Variants in ZNF804A observed in about 807,000 individuals in gnomAD.
ZNF804A encodes the protein zinc finger protein 804A.
ZNF804A carries 2 observed loss-of-function variants against 16.5 expected under a neutral mutation model. The observed-to-expected ratio is 0.12, with a 90% CI of 0.05 to 0.38. The LOEUF (loss-of-function observed/expected upper bound fraction) is 0.38. ZNF804A is among the 10% of genes least tolerant of loss of function. The pLI is 0.99. For missense variants in ZNF804A, 1,473 were observed against 1,390.7 expected (o/e 1.06, Z -0.94); for synonymous variants, 534 against 489.6 (o/e 1.09, Z -1.20).
intron 1 of ZNF804A, among the ~76,000 whole-genome samples, chr2:184,663,541 C>A (rs923650436): frequency 6.6e-6 from 1 of 152,120 alleles, no homozygotes; most frequent in Non-Finnish European, 1.5e-5. Flanking sequence ...CAGTAGGAGG[C>A]AGACAGACTC....
intron 2 of ZNF804A, among the ~76,000 whole-genome samples, chr2:184,922,036 G>A (rs1685535698): frequency 6.6e-6 from 1 of 152,112 alleles, no homozygotes; most frequent in East Asian, 1.9e-4. Context: ...GACTTAGGCT[G>A]CTTCCAAATC....
At chr2:184,781,775 A>G (rs1052644990) in intron 1 of ZNF804A, among the ~76,000 whole-genome samples, 1 of 151,680 alleles carries the variant, frequency 6.6e-6, no homozygotes, top group Non-Finnish European at 1.5e-5. Context: ...CTTTCTGAAA[A>G]TTTTTCTTTT....
At position 184,621,529 on chromosome 2, in the gene ZNF804A, A is replaced by G. The variant is rs1691420147; in HGVS notation, c.111+22459A>G. On this transcript the variant is annotated intron_variant, in intron 1 of 3. Transcript: ENST00000302277. Reference sequence around the variant, plus strand: ...AAAGTATGTGTCTGCATTGGTGTGTACATATTCATTTATTTCTATATTTCT... The same window carrying G: ...AAAGTATGTGTCTGCATTGGTGTGTGCATATTCATTTATTTCTATATTTCT... Among the ~76,000 whole-genome samples, 3 of 151,714 alleles carry G rather than the reference A, an allele frequency of 2.0e-5. No individual in the cohort carries two copies. In the South Asian group the frequency reaches 6.2e-4, roughly 31 times the overall value.
chr2:184,810,484 CTTTTTTTTTTT>C (rs1175105602), intron 1 of ZNF804A, among the ~76,000 whole-genome samples: 39 of 95,974 alleles, frequency 4.1e-4, no homozygotes, highest in Admixed American at 8.5e-4. Context: ...TGTTCTTTTC[CTTTTTTTTTTT>C]TTTTTTTTTT....
intron 1 of ZNF804A, among the ~76,000 whole-genome samples, chr2:184,673,565 G>A (rs1432956911): frequency 6.6e-6 from 1 of 152,172 alleles, no homozygotes; most frequent in African/African-American, 2.4e-5. Context: ...CACTGCAGCA[G>A]GAAAGAGGGT....
chr2:184,653,817 A>G (rs570383312), intron 1 of ZNF804A, among the ~76,000 whole-genome samples: 2 of 152,284 alleles, frequency 1.3e-5, no homozygotes, highest in Admixed American at 6.5e-5. Context: ...TTTAATGTCC[A>G]TGCCCATTGG....
At chr2:184,874,806 G>A (rs1696028303) in intron 2 of ZNF804A, among the ~76,000 whole-genome samples, 2 of 152,036 alleles carry the variant, frequency 1.3e-5, no homozygotes, top group Non-Finnish European at 2.9e-5. Context: ...CTTATAGCAT[G>A]TTTTATTCAA....
chr2:184,855,045 G>A (rs1574242873), intron 1 of ZNF804A, among the ~76,000 whole-genome samples: 1 of 152,006 alleles, frequency 6.6e-6, no homozygotes, highest in Non-Finnish European at 1.5e-5. Context: ...AAGATCTGAT[G>A]CCAAGTCTAC....
intron 2 of ZNF804A, among the ~76,000 whole-genome samples, chr2:184,924,358 G>T (rs781458069): frequency 5.5e-4 from 84 of 151,662 alleles, no homozygotes; most frequent in Non-Finnish European, 1.1e-3. Context: ...ACATGTAGTT[G>T]CTCATAGTAG....
At chr2:184,694,594 T>C (rs1233498905) in intron 1 of ZNF804A, among the ~76,000 whole-genome samples, 1 of 152,174 alleles carries the variant, frequency 6.6e-6, no homozygotes, top group Non-Finnish European at 1.5e-5. Flanking sequence ...AAGTTTGAGT[T>C]TCCTAGAAGC....
intron 1 of ZNF804A, among the ~76,000 whole-genome samples, chr2:184,667,704 G>T (rs1004072552): frequency 6.6e-6 from 1 of 151,716 alleles, no homozygotes; most frequent in Non-Finnish European, 1.5e-5. Flanking sequence ...TTTGTAACTT[G>T]ATCCAGTTCC....
chr2:184,830,429 T>G (rs925619585), intron 1 of ZNF804A, among the ~76,000 whole-genome samples: 1 of 152,216 alleles, frequency 6.6e-6, no homozygotes, highest in African/African-American at 2.4e-5. Context: ...AATAGAGAGA[T>G]TTTCTTCAGT....
chr2:184,824,380 C>T (rs372621761), intron 1 of ZNF804A, among the ~76,000 whole-genome samples: 7 of 151,670 alleles, frequency 4.6e-5, no homozygotes, highest in African/African-American at 7.3e-5. Flanking sequence ...ATGTGAAATG[C>T]GGCAGTCAAG....
chr2:184,812,153 A>G (rs932543958), intron 1 of ZNF804A, among the ~76,000 whole-genome samples: 7 of 152,192 alleles, frequency 4.6e-5, no homozygotes, highest in African/African-American at 1.4e-4. Context: ...GTAGATTTGA[A>G]TATCAGTTAC....
intron 1 of ZNF804A, among the ~76,000 whole-genome samples, chr2:184,840,960 G>A (rs959261940): frequency 1.3e-5 from 2 of 152,064 alleles, no homozygotes; most frequent in African/African-American, 2.4e-5. Flanking sequence ...AAATTAAGAC[G>A]TTTCGCCATA....
rs112386296 is a variant in ZNF804A at position 184,936,743 on chromosome 2, G to A, written c.1347G>A (p.Thr449=). 9.3e-6 allele frequency: 15 copies of A among 1,613,748 alleles called. No individual in the cohort carries two copies. The highest frequency in any genetic ancestry group is 1.7e-4 in the Middle Eastern group (1 of 6,054). Residue 449 remains threonine (T), a synonymous_variant, in exon 4 of 4, where the codon ACG becomes ACA. Coordinates refer to ENST00000302277, the MANE Select transcript of ZNF804A (RefSeq NM_194250.2). The part of the protein sequence containing the change: ...WPSEMLVYTT[T]KPSISYSCNP... The stretch of plus-strand genomic sequence containing the variant: ...CAGAAATGCTGGTTTATACAACTAC[G>A]AAACCATCAATTTCCTATAGCTGTA...
rs185430727 is a variant in ZNF804A, at chr2:184,822,800, T to G, written c.112-43569T>G. ...TATTAGTACATTTAATACAAATGTA[T>G]ACATTGTTGCTCAAATTAACCATTT... On this transcript the variant is annotated intron_variant, in intron 1 of 3. Coordinates refer to ENST00000302277, the MANE Select transcript of ZNF804A (RefSeq NM_194250.2). Among the ~76,000 whole-genome samples, 41 of 152,292 alleles carry G rather than the reference T, an allele frequency of 2.7e-4. 1 individual carries two copies. The East Asian group carries it at 7.7e-3, about 29-fold the overall frequency.
At chr2:184,707,902 C>T (rs556550091) in intron 1 of ZNF804A, among the ~76,000 whole-genome samples, 37 of 152,202 alleles carry the variant, frequency 2.4e-4, no homozygotes, top group Non-Finnish European at 1.3e-4. Flanking sequence ...TAAATTCCTA[C>T]CTACAGTGTA....
intron 2 of ZNF804A, among the ~76,000 whole-genome samples, chr2:184,904,858 C>T (rs190136987): frequency 7.9e-5 from 12 of 152,122 alleles, no homozygotes; most frequent in Non-Finnish European, 1.0e-4. Context: ...TGAGACAATG[C>T]TTTCTTCTGT....
Sources: allele counts gnomAD v4.1 joint callset (sites outside exome capture counted in the v4.1 genomes callset), GRCh38; gene constraint gnomAD v4.1.1; transcripts MANE v1.5; gene names NCBI Gene and HGNC (gene_info 2026-07-23, HGNC 2026-07-21).